ADAMTS16: variants seen among roughly 807,000 people sequenced by gnomAD.
ADAMTS16 encodes ADAM metallopeptidase with thrombospondin type 1 motif 16, also known as A disintegrin and metalloproteinase with thrombospondin motifs 16.
Under a neutral mutation model 145.8 loss-of-function variants are expected in ADAMTS16, and 94 were observed. The ratio of observed to expected loss-of-function variants is 0.64; its 90% CI spans 0.55 to 0.77. ADAMTS16 has a LOEUF of 0.77. Among genes scored for constraint, ADAMTS16 ranks in the 30% least tolerant of loss-of-function variants. The pLI is 0.00. For synonymous variants in ADAMTS16, 659 were observed against 604.3 expected (o/e 1.09, Z -1.33); for missense variants, 1,585 against 1,591.5 (o/e 1.00, Z 0.07).
intron 17 of ADAMTS16, among the ~76,000 whole-genome samples, chr5:5,246,497 G>A (rs909338808): frequency 6.6e-6 from 1 of 152,002 alleles, no homozygotes; most frequent in Admixed American, 6.6e-5. Flanking sequence ...GCCTTACTTT[G>A]CTGATATCAA....
chr5:5,186,298 T>TA, intron 5 of ADAMTS16, 47 bp downstream of exon 5: 1 of 1,344,982 alleles, frequency 7.4e-7, no homozygotes, highest in Non-Finnish European at 1.0e-6. Context: ...TTGCACTTCG[T>TA]AGGGTGTGTG....
chr5:5,149,943 A>G (rs917048525), intron 3 of ADAMTS16, among the ~76,000 whole-genome samples: 3 of 152,188 alleles, frequency 2.0e-5, no homozygotes, highest in Admixed American at 6.5e-5. Context: ...CAGTTGATGG[A>G]CATTATTGTT....
At chr5:5,221,003 G>A (rs147078229) in intron 10 of ADAMTS16, among the ~76,000 whole-genome samples, 8 of 152,140 alleles carry the variant, frequency 5.3e-5, no homozygotes, top group South Asian at 2.1e-4. Flanking sequence ...ACGCCCCATC[G>A]GTCCAGGAGG....
At position 5,303,412 on chromosome 5, in the gene ADAMTS16, G is replaced by A. The variant is rs1350149859; in HGVS notation, c.2934G>A (p.Arg978=). ...SLCPQPAPSS[R]QACNSQSCPP... The stretch of plus-strand genomic sequence containing the variant: ...GCCCTCAGCCTGCTCCCTCCAGCAG[G>A]CAGGCCTGCAACTCTCAGAGCTGCC... The change falls in exon 19 of 23, where the codon AGG becomes AGA. Residue 978 remains arginine (R), a synonymous_variant. Transcript: ENST00000274181. 3.7e-6 allele frequency: 6 copies of A among 1,608,274 alleles called. No individual in the cohort carries two copies. The South Asian group carries it at 5.5e-5, about 15-fold the overall frequency.
intron 18 of ADAMTS16, among the ~76,000 whole-genome samples, chr5:5,297,822 G>C (rs1397867799): frequency 6.6e-6 from 1 of 152,248 alleles, no homozygotes; most frequent in Non-Finnish European, 1.5e-5. Flanking sequence ...CCTGCATTTA[G>C]AGGTGAAAAC....
At chr5:5,252,899 C>T (rs1293651591) in intron 17 of ADAMTS16, among the ~76,000 whole-genome samples, 1 of 152,276 alleles carries the variant, frequency 6.6e-6, no homozygotes, top group Admixed American at 6.5e-5. Context: ...AGAGGGGATG[C>T]TTCTCTCTAA....
Position 5,310,478 on chromosome 5 carries a change from G to A in ADAMTS16, c.3411+3750G>A, listed in dbSNP as rs1032821692. On this transcript the variant is annotated intron_variant, in intron 21 of 22. Transcript: ENST00000274181. This position sits in a 1 kb window ranked among gnomAD's most constrained non-coding sequence, Gnocchi z 4.3. ...AGATGCAGATGTAATGACCTGGGCT[G>A]ACATCATCCTGGATTAGAGTGGGCA... Among the ~76,000 whole-genome samples the A allele has an allele frequency of 6.6e-6, 1 of 152,202 alleles. No individual in the cohort carries two copies. The highest frequency in any genetic ancestry group is 6.5e-5 in the Admixed American group (1 of 15,288).
At chr5:5,262,252 T>G (rs1177059502) in intron 17 of ADAMTS16, among the ~76,000 whole-genome samples, 1 of 152,248 alleles carries the variant, frequency 6.6e-6, no homozygotes, top group Non-Finnish European at 1.5e-5. Flanking sequence ...TTACTGTTTC[T>G]TGTTGTCATC....
chr5:5,200,297 A>G, intron 9 of ADAMTS16, 28 bp downstream of exon 9: 1 of 1,612,688 alleles, frequency 6.2e-7, no homozygotes, highest in African/African-American at 1.3e-5. Flanking sequence ...TGGTCTTGTG[A>G]TCTTTCGGGG....
intron 3 of ADAMTS16, among the ~76,000 whole-genome samples, chr5:5,151,924 A>T (rs1734474698): frequency 6.6e-6 from 1 of 152,106 alleles, no homozygotes; most frequent in Non-Finnish European, 1.5e-5. Context: ...GGAGTGTTCT[A>T]ATCAATACTC....
At chr5:5,226,944 G>A (rs1055786027) in intron 11 of ADAMTS16, among the ~76,000 whole-genome samples, 29 of 152,198 alleles carry the variant, frequency 1.9e-4, no homozygotes, top group African/African-American at 1.7e-4. Context: ...GCTGAAATGC[G>A]TATCTGATGG....
intron 3 of ADAMTS16, among the ~76,000 whole-genome samples, chr5:5,173,523 G>C (rs1313699707): frequency 4.6e-5 from 7 of 151,010 alleles, no homozygotes; most frequent in Non-Finnish European, 1.5e-5. Flanking sequence ...CCCCAGGCTC[G>C]AGTGCAGTGG....
chr5:5,284,228 C>T (rs375327139), intron 18 of ADAMTS16, among the ~76,000 whole-genome samples: 1 of 152,150 alleles, frequency 6.6e-6, no homozygotes, highest in East Asian at 1.9e-4. Context: ...GCCATAAAGA[C>T]CTTCACAGGC....
intron 18 of ADAMTS16, among the ~76,000 whole-genome samples, chr5:5,282,584 A>G (rs1381806987): frequency 6.6e-6 from 1 of 152,182 alleles, no homozygotes; most frequent in African/African-American, 2.4e-5. Context: ...TCATCCCTGC[A>G]GTGGTTCCTA....
At chr5:5,183,370 A>G (rs1735396420) in intron 4 of ADAMTS16, among the ~76,000 whole-genome samples, 1 of 152,234 alleles carries the variant, frequency 6.6e-6, no homozygotes, top group South Asian at 2.1e-4. Context: ...GGCTGCCGTG[A>G]CCGGCAGGTC....
intron 8 of ADAMTS16, among the ~76,000 whole-genome samples, chr5:5,193,162 T>TGTGTGTGCGC (rs1383577452): frequency 3.7e-5 from 4 of 106,972 alleles, no homozygotes; most frequent in African/African-American, 1.2e-4. Context: ...TGTGTGTGTG[T>TGTGTGTGCGC]GCGCGCGCGC....
chr5:5,227,229 T>TC (rs1005572383), intron 11 of ADAMTS16, among the ~76,000 whole-genome samples: 3 of 152,220 alleles, frequency 2.0e-5, no homozygotes, highest in Non-Finnish European at 2.9e-5. Flanking sequence ...AATACACTGC[T>TC]CCCCTGCATC....
At chr5:5,259,197 T>C (rs7723246) in intron 17 of ADAMTS16, among the ~76,000 whole-genome samples, 5,913 of 152,298 alleles carry the variant, frequency 0.039, 125 homozygotes, top group African/African-American at 0.051. Flanking sequence ...CGTGCACAGC[T>C]ACTGTGAATC....
intron 12 of ADAMTS16, among the ~76,000 whole-genome samples, chr5:5,234,813 C>T (rs546722257): frequency 5.4e-5 from 8 of 147,056 alleles, no homozygotes; most frequent in South Asian, 2.2e-4. Context: ...GCGGTTGCAG[C>T]GAGCCGAGAT....
Sources: gnomAD v4.1 joint callset for allele counts (sites outside exome capture counted in the v4.1 genomes callset) on GRCh38, gnomAD v4.1.1 for gene constraint, Gnocchi (gnomAD v3.1) non-coding constraint, MANE v1.5 for transcripts, NCBI Gene and HGNC (gene_info 2026-07-23, HGNC 2026-07-21) for gene names.